Variants in PDE5A observed in about 807,000 individuals in gnomAD.
PDE5A encodes cGMP-specific 3',5'-cyclic phosphodiesterase.
Under a neutral mutation model 110.2 loss-of-function variants are expected in PDE5A, and 67 were observed. The ratio of observed to expected loss-of-function variants is 0.61; its 90% CI spans 0.50 to 0.75. The LOEUF is 0.75. Among genes scored for constraint, PDE5A ranks in the 30% least tolerant of loss-of-function variants. PDE5A has a pLI of 0.00. For synonymous variants in PDE5A, 328 were observed against 351.2 expected (o/e 0.93, Z 0.74); for missense variants, 862 against 1,045.1 (o/e 0.82, Z 2.42).
chr4:119,560,380 C>G lies in PDE5A; in HGVS notation c.1132-17G>C, dbSNP rs979254817. 6.4e-7 allele frequency: 1 copy of G among 1,551,416 alleles called. No individual in the cohort carries two copies. The highest frequency in any genetic ancestry group is 2.3e-5 in the East Asian group (1 of 43,514). On this transcript the variant is annotated splice_polypyrimidine_tract_variant and intron_variant, in intron 6 of 20. Transcript: ENST00000354960. ...AAAAGAATCCTAAAAACAGACAACA[C>G]AGGCTGAGAAATAAGTTTGACAAGG...
At position 119,505,785 on chromosome 4, in the gene PDE5A, G is replaced by A. The variant is rs1199133430; in HGVS notation, c.2267+70C>T. On this transcript the variant is annotated intron_variant, in intron 17 of 20. Coordinates refer to ENST00000354960, the MANE Select transcript of PDE5A (RefSeq NM_001083.4). ...CAAATAATTGCAATAAAAACTAACA[G>A]TGAGGAAAAAATAGTGAGAAAATTA... 4 of 866,476 alleles carry A rather than the reference G, an allele frequency of 4.6e-6. No homozygotes were observed. The Admixed American group carries it at 1.1e-4, about 23-fold the overall frequency. 53.7% of individuals were successfully genotyped at this position (866,476 alleles called of 1,614,324 possible). A position where few individuals can be genotyped will look rare whatever the true frequency, so the allele number is the denominator to read the frequency against.
At chr4:119,509,224 A>T (rs2110460280) in intron 15 of PDE5A, among the ~76,000 whole-genome samples, 1 of 152,220 alleles carries the variant, frequency 6.6e-6, no homozygotes, top group South Asian at 2.1e-4. Flanking sequence ...AGCACAAACT[A>T]AACCAAGAAT....
intron 15 of PDE5A, among the ~76,000 whole-genome samples, chr4:119,509,213 G>T (rs907454195): frequency 2.6e-5 from 4 of 152,036 alleles, no homozygotes; most frequent in African/African-American, 9.7e-5. Flanking sequence ...TTTGTAACCA[G>T]AGCACAAACT....
intron 8 of PDE5A, 105 bp downstream of exon 8, chr4:119,553,533 A>C: frequency 1.4e-6 from 1 of 723,966 alleles, no homozygotes; most frequent in Admixed American, 2.2e-5. Context: ...GATCATTCCT[A>C]AACAGTCAAT....
intron 1 of PDE5A, among the ~76,000 whole-genome samples, chr4:119,615,351 A>G (rs968277268): frequency 3.9e-5 from 6 of 152,204 alleles, no homozygotes; most frequent in Non-Finnish European, 8.8e-5. Flanking sequence ...AGAATTTGCT[A>G]TCTCTTACAC....
At position 119,627,159 on chromosome 4, in the gene PDE5A, T is replaced by A; in HGVS notation, c.152+1361A>T. ...ATGCTGAAGGAAGTACCTTGTTTTG[T>A]CTCCAAAGGGCAACATAGCAAACGT... On this transcript the variant is annotated intron_variant, in intron 1 of 20. Transcript: ENST00000354960. This position sits in a 1 kb window ranked among gnomAD's most constrained non-coding sequence, Gnocchi z 4.6. 1 of 1,612,806 alleles carries A rather than the reference T, an allele frequency of 6.2e-7. No individual in the cohort carries two copies. The highest frequency in any genetic ancestry group is 8.5e-7 in the Non-Finnish European group (1 of 1,179,400).
chr4:119,580,187 G>A (rs1326549183), intron 3 of PDE5A, among the ~76,000 whole-genome samples: 1 of 151,668 alleles, frequency 6.6e-6, no homozygotes, highest in Non-Finnish European at 1.5e-5. Context: ...TCATCCCTTT[G>A]AACAATTAAA....
chr4:119,538,527 T>A (rs528485554), intron 11 of PDE5A, among the ~76,000 whole-genome samples: 1 of 152,176 alleles, frequency 6.6e-6, no homozygotes, highest in Non-Finnish European at 1.5e-5. Context: ...GGAACTGACC[T>A]TATTTGACCC....
chr4:119,605,292 C>G (rs1729487864), intron 2 of PDE5A, among the ~76,000 whole-genome samples: 1 of 152,146 alleles, frequency 6.6e-6, no homozygotes. Context: ...ATGCACAAAT[C>G]TCAATTTATT....
At chr4:119,610,614 C>T (rs541209289) in intron 1 of PDE5A, among the ~76,000 whole-genome samples, 7 of 152,248 alleles carry the variant, frequency 4.6e-5, no homozygotes, top group African/African-American at 1.4e-4. Context: ...TCTCACCTTG[C>T]CTCATCTTAC....
intron 20 of PDE5A, chr4:119,499,887 T>G (rs1473908815): frequency 6.6e-6 from 1 of 152,076 alleles, no homozygotes; most frequent in African/African-American, 2.4e-5. Context: ...AACATAACTA[T>G]TTCTGTAATA....
intron 3 of PDE5A, among the ~76,000 whole-genome samples, chr4:119,567,579 G>A (rs1261934601): frequency 2.6e-5 from 4 of 152,098 alleles, no homozygotes; most frequent in African/African-American, 4.8e-5. Flanking sequence ...AAATGAAACA[G>A]GACCTAGTGG....
intron 4 of PDE5A, 47 bp from the exon 5 acceptor site, chr4:119,565,457 T>C (rs1207084983): frequency 3.2e-6 from 4 of 1,237,094 alleles, no homozygotes; most frequent in African/African-American, 1.5e-5. Context: ...TAAAACAGTC[T>C]AGTTACATTG....
intron 3 of PDE5A, among the ~76,000 whole-genome samples, chr4:119,592,020 C>T (rs1300387163): frequency 1.3e-5 from 2 of 150,996 alleles, no homozygotes; most frequent in Admixed American, 6.6e-5. Context: ...TGTGGTGGCG[C>T]ACGCCTGTAG....
intron 6 of PDE5A, among the ~76,000 whole-genome samples, chr4:119,561,606 A>C (rs1300701053): frequency 6.6e-6 from 1 of 152,204 alleles, no homozygotes; most frequent in East Asian, 1.9e-4. Context: ...CATAGAGCAA[A>C]AATTACAGAT....
chr4:119,605,475 C>T (rs28564258), intron 2 of PDE5A, among the ~76,000 whole-genome samples: 120,042 of 151,648 alleles, frequency 0.79, 47,856 homozygotes, highest in East Asian at 0.9. Flanking sequence ...GGTGAAACTC[C>T]GTCTCTACTA....
chr4:119,622,311 A>T (rs1730178403), intron 1 of PDE5A, among the ~76,000 whole-genome samples: 1 of 152,234 alleles, frequency 6.6e-6, no homozygotes, highest in South Asian at 2.1e-4. Context: ...TTTTCAGTAT[A>T]GGTATTCAAC....
chr4:119,603,934 A>G (rs764286624), intron 2 of PDE5A, among the ~76,000 whole-genome samples: 3 of 152,234 alleles, frequency 2.0e-5, no homozygotes, highest in Middle Eastern at 3.2e-3. Context: ...TTCAAAAAAC[A>G]TAGTATTTTA....
intron 1 of PDE5A, among the ~76,000 whole-genome samples, chr4:119,611,341 C>T (rs981698808): frequency 6.6e-6 from 1 of 152,222 alleles, no homozygotes; most frequent in African/African-American, 2.4e-5. Flanking sequence ...ATGCTTACCA[C>T]ATACAGTAGT....
Sources: gnomAD v4.1 joint callset for allele counts (sites outside exome capture counted in the v4.1 genomes callset) on GRCh38, gnomAD v4.1.1 for gene constraint, Gnocchi (gnomAD v3.1) non-coding constraint, MANE v1.5 for transcripts, NCBI Gene and HGNC (gene_info 2026-07-23, HGNC 2026-07-21) for gene names.